Variants in PRCD observed in about 807,000 individuals in gnomAD.
PRCD encodes the protein photoreceptor disc component, also known as photoreceptor disk component PRCD.
In PRCD, 12 loss-of-function variants were observed where a neutral mutation model predicts 10.1. The ratio of observed to expected loss-of-function variants is 1.18; its 90% CI spans 0.76 to 1.92. PRCD has a LOEUF of 1.92. PRCD is among the 40% of genes most tolerant of loss of function. The pLI, the probability that PRCD is intolerant of heterozygous loss-of-function variation, is 0.00. For synonymous variants in PRCD, 31 were observed against 26.2 expected (o/e 1.18, Z -0.56); for missense variants, 61 against 72.2 (o/e 0.84, Z 0.56).
chr17:76,535,976 C>A (rs1203276501), upstream of PRCD, among the ~76,000 whole-genome samples: 1 of 152,162 alleles, frequency 6.6e-6, no homozygotes, highest in African/African-American at 2.4e-5. Context: ...TGCTGACACA[C>A]GGCTGACGGC....
In PRCD at chr17:76,530,144, G is replaced by GTTTC; in HGVS notation, n.45+2312_45+2313insTTCT. 2.7e-5 allele frequency: 26 copies of GTTTC among 950,194 alleles called. No homozygotes were observed. Among genetic ancestry groups the GTTTC allele is most frequent in the Non-Finnish European group, 3.1e-5 (25 of 797,704 alleles). 58.9% of individuals were successfully genotyped at this position (950,194 alleles called of 1,614,324 possible). ...ACGGGAATGTTTCTCTACCACGCGT[G>GTTTC]TCCCGGGCTGCTGGCTGACCTCTGC... On this transcript the variant is annotated intron_variant and non_coding_transcript_variant, in intron 1 of 4. Coordinates refer to the PRCD transcript ENST00000397633. The surrounding 1 kb of genome is among the most constrained non-coding windows in gnomAD (Gnocchi z 6.1).
At chr17:76,546,449 TTTGTG>T (rs1357423873), downstream of PRCD, 191 of 14,448 alleles carry the variant, frequency 0.013, 1 homozygote, top group Non-Finnish European at 0.047. The surrounding 1 kb of genome is among the most constrained non-coding windows in gnomAD (Gnocchi z 4.5). Flanking sequence ...GTGTGTGTGG[TTTGTG>T]TGTGTGTGTG....
In PRCD at chr17:76,531,161, A is replaced by C. The variant is rs1271689435; in HGVS notation, n.45+3328A>C. On this transcript the variant is annotated intron_variant and non_coding_transcript_variant, in intron 1 of 4. Transcript: ENST00000397633. The surrounding 1 kb of genome is among the most constrained non-coding windows in gnomAD (Gnocchi z 7.4). ...AGAGGATCTGGGGGCAAAGGGAGGA[A>C]GGGGGAGTGAACGCCCGGGCGCCCT... is the stretch of plus-strand genomic sequence containing the variant. 1 of 1,607,330 alleles carries C rather than the reference A, an allele frequency of 6.2e-7. No individual in the cohort carries two copies. Among genetic ancestry groups the C allele is most frequent in the Admixed American group, 1.7e-5 (1 of 59,622 alleles).
At chr17:76,551,514 T>G (rs1029247053) in intron 1 of PRCD, 1 of 152,226 alleles carries the variant, frequency 6.6e-6, no homozygotes, top group Non-Finnish European at 1.5e-5. Flanking sequence ...CTGTGTTATA[T>G]TTCTCCTCTT....
At position 76,540,263 on chromosome 17, in the gene PRCD, G is replaced by GT; in HGVS notation, c.74+48_74+49insT. ...GCTGGCGGTTGGTCGGGGGGGGGGG[G>GT]CATGGGGCTGGGCTGCCACCAAGCT... On this transcript the variant is annotated intron_variant, in intron 1 of 4. Coordinates refer to ENST00000592014, the MANE Select transcript of PRCD (RefSeq NM_001077620.3). The surrounding 1 kb of genome is among the most constrained non-coding windows in gnomAD (Gnocchi z 5.0). 3.3e-6 allele frequency: 2 copies of GT among 610,900 alleles called. No homozygotes were observed. The highest frequency in any genetic ancestry group is 2.7e-5 in the Admixed American group (1 of 37,544). 37.8% of individuals were successfully genotyped at this position (610,900 alleles called of 1,614,324 possible).
rs890710742 is a variant in PRCD, at chr17:76,531,450, G to C, written n.45+3617G>C. 85 of 1,599,600 alleles carry C rather than the reference G, an allele frequency of 5.3e-5. No individual in the cohort carries two copies. Among genetic ancestry groups the C allele is most frequent in the Non-Finnish European group, 7.2e-5 (84 of 1,167,982 alleles). On this transcript the variant is annotated intron_variant and non_coding_transcript_variant, in intron 1 of 4. Transcript: ENST00000397633. The surrounding 1 kb of genome is among the most constrained non-coding windows in gnomAD (Gnocchi z 7.4). ...GCGGTGGGGGCTCTGCAGCAGATGG[G>C]GGCGCATACCTTGAAGTACACCGGT...
In PRCD at chr17:76,528,706, C is replaced by T; in HGVS notation, n.45+873C>T. 1 of 1,166,394 alleles carries T rather than the reference C, an allele frequency of 8.6e-7. No homozygotes were observed. Among genetic ancestry groups the T allele is most frequent in the Non-Finnish European group, 1.1e-6 (1 of 914,012 alleles). The allele number at this position is 1,166,394 out of a possible 1,614,324, so 72.3% of individuals were successfully genotyped here. ...GAGGACCTGGGGCTGGCGAGGCTCA[C>T]TTCCTGCCAAGAGATCCGGCACAGT... On this transcript the variant is annotated intron_variant and non_coding_transcript_variant, in intron 1 of 4. Coordinates refer to the PRCD transcript ENST00000397633. This position sits in a 1 kb window ranked among gnomAD's most constrained non-coding sequence, Gnocchi z 5.8.
intron 1 of PRCD, chr17:76,552,887 T>A (rs1244304603): frequency 2.1e-4 from 26 of 122,696 alleles, no homozygotes; most frequent in Non-Finnish European, 8.2e-5. Context: ...AAAAAATATA[T>A]ATATATATAT....
rs756997414 is a variant in PRCD at position 76,540,134 on chromosome 17, G to C, written c.-8G>C. The C allele has an allele frequency of 3.1e-6, 5 of 1,598,922 alleles. No individual in the cohort carries two copies. The highest frequency in any genetic ancestry group is 4.3e-6 in the Non-Finnish European group (5 of 1,173,312). On this transcript the variant is annotated 5_prime_UTR_variant, in exon 1 of 5. Coordinates refer to ENST00000592014, the MANE Select transcript of PRCD (RefSeq NM_001077620.3). The surrounding 1 kb of genome is among the most constrained non-coding windows in gnomAD (Gnocchi z 5.0). ...ACTTGGCCTGGGAGGGGATGGGGCA[G>C]CTGCGCCATGTGCACCACCCTTTTC...
downstream of PRCD, chr17:76,546,471 T>TGCGC (rs59375455): frequency 0.038 from 5,804 of 151,150 alleles, 255 homozygotes; most frequent in African/African-American, 0.11. This position sits in a 1 kb window ranked among gnomAD's most constrained non-coding sequence, Gnocchi z 4.5. Flanking sequence ...TGTGTGTGTG[T>TGCGC]GCGCGCAGTC....
exon 2 of PRCD, chr17:76,553,204 G>A (rs1212242186): frequency 6.6e-6 from 1 of 152,162 alleles, no homozygotes; most frequent in African/African-American, 2.4e-5. Context: ...CCAGAAGAGA[G>A]GCTGTTGTTT....
upstream of PRCD, among the ~76,000 whole-genome samples, chr17:76,535,833 T>C (rs1197276425): frequency 1.3e-5 from 2 of 152,206 alleles, no homozygotes; most frequent in African/African-American, 4.8e-5. Context: ...CGGTGAGCAC[T>C]TCCTCCACGT....
chr17:76,543,727 C>T (rs895843522), intron 4 of PRCD, 76 bp from the exon 5 acceptor site: 7 of 467,942 alleles, frequency 1.5e-5, no homozygotes, highest in Middle Eastern at 5.8e-4. Flanking sequence ...TCTGTTAAGC[C>T]GCCACTTGTG....
chr17:76,546,771 G>C (rs1480185659), downstream of PRCD: 1 of 152,228 alleles, frequency 6.6e-6, no homozygotes, highest in Non-Finnish European at 1.5e-5. This position sits in a 1 kb window ranked among gnomAD's most constrained non-coding sequence, Gnocchi z 4.5. Context: ...TGCATTGGGC[G>C]CTTACTATGT....
rs567739688 is a variant in PRCD at position 76,552,490 on chromosome 17, C to T, written n.84-619C>T. 1.6e-4 allele frequency among the ~76,000 whole-genome samples: 24 copies of T among 152,150 alleles called. No individual in the cohort carries two copies. In the South Asian group the frequency reaches 4.8e-3, roughly 30 times the overall value. ...CTGGGATTACAGGCGTGAGCCACTG[C>T]ACCCAGCCTAAAATCTCACATTTTG... On this transcript the variant is annotated intron_variant and non_coding_transcript_variant, in intron 1 of 1. Transcript: ENST00000587063.
At chr17:76,547,689 T>TCA (rs755549580), downstream of PRCD, among the ~76,000 whole-genome samples, 2 of 129,018 alleles carry the variant, frequency 1.6e-5, no homozygotes, top group Admixed American at 7.5e-5. Flanking sequence ...ACACCCACAT[T>TCA]CACACACACA....
intron 1 of PRCD, among the ~76,000 whole-genome samples, chr17:76,534,146 TTCTCTCTCTCTCTCTC>T (rs71158013): frequency 7.8e-6 from 1 of 128,902 alleles, no homozygotes; most frequent in Non-Finnish European, 1.7e-5. Flanking sequence ...CTCTTTCTCT[TTCTCTCTCTCTCTCTC>T]TCTCTCTCTC....
chr17:76,553,466 A>G (rs546344252), exon 2 of PRCD: 1 of 152,322 alleles, frequency 6.6e-6, no homozygotes, highest in South Asian at 2.1e-4. Context: ...GCTTCCTGTG[A>G]TATCGCTGCT....
At chr17:76,529,026 GC>G in intron 1 of PRCD, 8 of 981,360 alleles carry the variant, frequency 8.2e-6, no homozygotes, top group Non-Finnish European at 9.6e-6. Context: ...TACACACAGC[GC>G]CCCCTGCAGT....
Sources: gnomAD v4.1 joint callset for allele counts (sites outside exome capture counted in the v4.1 genomes callset) on GRCh38, gnomAD v4.1.1 for gene constraint, Gnocchi (gnomAD v3.1) non-coding constraint, MANE v1.5 for transcripts, NCBI Gene and HGNC (gene_info 2026-07-23, HGNC 2026-07-21) for gene names.